RFX7: variants seen among roughly 807,000 people sequenced by gnomAD.
The protein encoded by RFX7 is DNA-binding protein RFX7.
RFX7 carries 26 observed loss-of-function variants against 111.8 expected under a neutral mutation model. The ratio of observed to expected loss-of-function variants is 0.23; its 90% CI spans 0.17 to 0.32. The LOEUF is 0.32. Ranked by LOEUF, RFX7 falls within the 10% of genes least tolerant of loss-of-function variation. The pLI is 1.00. For synonymous variants in RFX7, 624 were observed against 624.4 expected (o/e 1.00, Z 0.01); for missense variants, 1,573 against 1,772.9 (o/e 0.89, Z 2.02).
At position 56,095,663 on chromosome 15, in the gene RFX7, T is replaced by G; in HGVS notation, c.2065A>C (p.Lys689Gln). Residue 689 changes from lysine to glutamine, a missense_variant, in exon 10 of 10, where the codon AAA becomes CAA. Lys to Gln is a moderately conservative substitution (Grantham distance 53). This residue lies in a region of RFX7 where 625 missense variants were observed against 632.2 expected (regional missense o/e 0.99). Coordinates refer to ENST00000559447, the MANE Select transcript of RFX7 (RefSeq NM_022841.7). ...TGGTCCTTCTTAACACTGCCTTGTT[T>G]CTGCCCTTCTATGGTAGCTGCTGAA... is the stretch of plus-strand genomic sequence containing the variant. The part of the protein sequence containing the change: ...QLSAATIEGQ[K>Q]QGSVKKDQKV... 1 of 1,614,042 alleles carries G rather than the reference T, an allele frequency of 6.2e-7. No homozygotes were observed. The highest frequency in any genetic ancestry group is 1.1e-5 in the South Asian group (1 of 91,080).
At chr15:56,191,790 C>T (rs1451835887) in intron 2 of RFX7, among the ~76,000 whole-genome samples, 2 of 152,088 alleles carry the variant, frequency 1.3e-5, no homozygotes, top group African/African-American at 2.4e-5. Context: ...GAAAGCCCAC[C>T]CATGCAGCAG....
intron 5 of RFX7, among the ~76,000 whole-genome samples, chr15:56,140,664 C>G (rs551156494): frequency 6.6e-6 from 1 of 152,182 alleles, no homozygotes; most frequent in Non-Finnish European, 1.5e-5. Context: ...TTGCTCTCTA[C>G]TGAACTGTAA....
intron 3 of RFX7, among the ~76,000 whole-genome samples, chr15:56,170,160 A>T (rs1296894644): frequency 3.3e-5 from 5 of 152,166 alleles, no homozygotes; most frequent in African/African-American, 9.6e-5. Flanking sequence ...GTATATTCCA[A>T]TGCATATGTT....
chr15:56,140,489 C>T (rs1354486290), intron 5 of RFX7, among the ~76,000 whole-genome samples: 3 of 152,320 alleles, frequency 2.0e-5, no homozygotes, highest in Non-Finnish European at 4.4e-5. Flanking sequence ...GCACGGTGCA[C>T]GCACCCACTG....
At chr15:56,107,932 AC>A (rs2041853850) in intron 5 of RFX7, among the ~76,000 whole-genome samples, 1 of 152,254 alleles carries the variant, frequency 6.6e-6, no homozygotes, top group South Asian at 2.1e-4. Flanking sequence ...AAACACCTCT[AC>A]GCAAATAAAC....
At chr15:56,242,871 A>T (rs1181324562) in intron 2 of RFX7, among the ~76,000 whole-genome samples, 16 of 152,206 alleles carry the variant, frequency 1.1e-4, no homozygotes, top group African/African-American at 3.6e-4. Flanking sequence ...AAAAAATAAA[A>T]CCAAAAAACT....
chr15:56,158,096 C>A (rs2042675944), intron 3 of RFX7, among the ~76,000 whole-genome samples: 1 of 152,004 alleles, frequency 6.6e-6, no homozygotes, highest in South Asian at 2.1e-4. Context: ...TTACATAAGA[C>A]CTATAATAAG....
At chr15:56,214,542 C>T (rs899811518) in intron 2 of RFX7, among the ~76,000 whole-genome samples, 4 of 151,368 alleles carry the variant, frequency 2.6e-5, no homozygotes, top group Non-Finnish European at 4.4e-5. Flanking sequence ...GGTGAAACCC[C>T]GCCTCTACTA....
At chr15:56,190,068 G>C (rs2043084918) in intron 2 of RFX7, among the ~76,000 whole-genome samples, 1 of 152,144 alleles carries the variant, frequency 6.6e-6, no homozygotes, top group African/African-American at 2.4e-5. Context: ...ATTATACTGA[G>C]CCATATAAAA....
In RFX7 at chr15:56,243,181, G is replaced by C. The variant is rs1327217879; in HGVS notation, c.105C>G (p.Pro35=). The C allele has an allele frequency of 3.7e-6, 5 of 1,353,970 alleles. No homozygotes were observed. The East Asian group carries it at 1.9e-4, about 51-fold the overall frequency. 83.9% of individuals were successfully genotyped at this position (1,353,970 alleles called of 1,614,324 possible). The change falls in exon 2 of 10, where the codon CCC becomes CCG. Residue 35 remains proline (P), a synonymous_variant. Transcript: ENST00000559447. ...CGCTGGCCTCTGTCCCTGGCAGCCC[G>C]GGCACAAGGGCTGGCAGGGCCACCC... ...NSGVALPALV[P]GLPGTEASAL...
chr15:56,111,016 A>G (rs2041921448), intron 5 of RFX7, among the ~76,000 whole-genome samples: 1 of 59,792 alleles, frequency 1.7e-5, no homozygotes. Context: ...CCCGTCTGGG[A>G]GGGAGGTGGG....
intron 5 of RFX7, among the ~76,000 whole-genome samples, chr15:56,112,985 TAA>T (rs1450485600): frequency 6.6e-6 from 1 of 152,160 alleles, no homozygotes; most frequent in East Asian, 1.9e-4. Flanking sequence ...TGGCGATTAT[TAA>T]AAAGTCAAGA....
Position 56,239,990 on chromosome 15 carries a change from T to TC in RFX7, c.161+3134_161+3135insG, listed in dbSNP as rs1555427846. Among the ~76,000 whole-genome samples, 18 of 112,228 alleles carry TC rather than the reference T, an allele frequency of 1.6e-4. No homozygotes were observed. In the East Asian group the frequency reaches 5.1e-3, roughly 32 times the overall value. 73.6% of individuals were successfully genotyped at this position (112,228 alleles called of 152,430 possible). On this transcript the variant is annotated intron_variant, in intron 2 of 9. Transcript: ENST00000559447. ...AAAACTTGCTTTGGTATTTCTTTTTTTTTTTTTTTTTTTTTTGAAGTAACC... is the reference window on the plus strand; with the variant it reads ...AAAACTTGCTTTGGTATTTCTTTTTTCTTTTTTTTTTTTTTTTGAAGTAACC...
intron 2 of RFX7, among the ~76,000 whole-genome samples, chr15:56,216,903 G>A (rs945776798): frequency 2.0e-5 from 3 of 152,102 alleles, no homozygotes; most frequent in East Asian, 1.9e-4. Flanking sequence ...TGATCCTCCT[G>A]TCAGCCTATA....
chr15:56,158,094 G>A (rs2042675916), intron 3 of RFX7, among the ~76,000 whole-genome samples: 2 of 152,086 alleles, frequency 1.3e-5, no homozygotes, highest in Admixed American at 6.6e-5. Flanking sequence ...TATTACATAA[G>A]ACCTATAATA....
intron 3 of RFX7, among the ~76,000 whole-genome samples, chr15:56,164,633 C>T (rs1306318032): frequency 6.6e-6 from 1 of 152,214 alleles, no homozygotes; most frequent in Non-Finnish European, 1.5e-5. Flanking sequence ...AGACTGCTTG[C>T]ACTGCCTTCC....
In RFX7 at chr15:56,093,176, T is replaced by C; in HGVS notation, c.*169A>G. 1 of 596,064 alleles carries C rather than the reference T, an allele frequency of 1.7e-6. No homozygotes were observed. The highest frequency in any genetic ancestry group is 2.9e-6 in the Non-Finnish European group (1 of 347,800). 36.9% of individuals were successfully genotyped at this position (596,064 alleles called of 1,614,324 possible). Reference sequence around the variant, plus strand: ...CAGCCTACTGTCTTTAGACACTTGTTAAGAACTGAGGCAAGTCTAACCATT... The same window carrying C: ...CAGCCTACTGTCTTTAGACACTTGTCAAGAACTGAGGCAAGTCTAACCATT... On this transcript the variant is annotated 3_prime_UTR_variant, in exon 10 of 10. Coordinates refer to ENST00000559447, the MANE Select transcript of RFX7 (RefSeq NM_022841.7).
At chr15:56,100,665 T>C (rs1350239666) in intron 8 of RFX7, among the ~76,000 whole-genome samples, 1 of 152,194 alleles carries the variant, frequency 6.6e-6, no homozygotes, top group African/African-American at 2.4e-5. Flanking sequence ...GAATAATTTA[T>C]CCACTCTAGG....
chr15:56,233,731 C>T (rs1177789402), intron 2 of RFX7, among the ~76,000 whole-genome samples: 4 of 152,108 alleles, frequency 2.6e-5, no homozygotes, highest in Non-Finnish European at 5.9e-5. Context: ...ATAGAAAAAT[C>T]GTGGTTGTGA....
Sources: allele counts gnomAD v4.1 joint callset (sites outside exome capture counted in the v4.1 genomes callset), GRCh38; gene constraint gnomAD v4.1.1; regional missense constraint gnomAD v4.1.1; transcripts MANE v1.5; gene names NCBI Gene and HGNC (gene_info 2026-07-23, HGNC 2026-07-21).